CDH4: variants seen among roughly 807,000 people sequenced by gnomAD.
CDH4 encodes cadherin 4, also known as cadherin-4.
In CDH4, 33 loss-of-function variants were observed where a neutral mutation model predicts 86.0. The observed-to-expected ratio is 0.38, with a 90% CI of 0.29 to 0.51. CDH4 has a LOEUF of 0.51. CDH4 is among the 20% of genes least tolerant of loss of function. The probability of loss-of-function intolerance (pLI) is 0.86; values close to 1 mark genes in which losing one functional copy is unlikely to be tolerated. For missense variants in CDH4, 1,114 were observed against 1,307.4 expected, an observed-to-expected ratio of 0.85 and a Z score of 2.28; for synonymous variants, 555 against 549.4, an observed-to-expected ratio of 1.01 and a Z score of -0.14.
At chr20:61,838,666 G>A (rs371100887) in intron 4 of CDH4, among the ~76,000 whole-genome samples, 5 of 152,038 alleles carry the variant, frequency 3.3e-5, no homozygotes, top group Admixed American at 6.6e-5. Flanking sequence ...AATTAGCTGG[G>A]TGTGGTGGGG....
rs1210679081 is a variant in CDH4 at position 61,516,212 on chromosome 20, G to T, written c.170-227351G>T. On this transcript the variant is annotated intron_variant, in intron 2 of 15. Coordinates refer to ENST00000614565, the MANE Select transcript of CDH4 (RefSeq NM_001794.5). This position sits in a 1 kb window ranked among gnomAD's most constrained non-coding sequence, Gnocchi z 4.0. The stretch of plus-strand genomic sequence containing the variant: ...TCTCTTACCCTAGAAGCTGCGGCAG[G>T]TGTCCGCCCTGGGGACTAAGCAAAA... Among the ~76,000 whole-genome samples the T allele has an allele frequency of 1.3e-5, 2 of 152,182 alleles. No homozygotes were observed. The highest frequency in any genetic ancestry group is 1.3e-4 in the Admixed American group (2 of 15,284).
At chr20:61,274,777 TG>T (rs1428709983) in intron 2 of CDH4, among the ~76,000 whole-genome samples, 4 of 124,086 alleles carry the variant, frequency 3.2e-5, no homozygotes, top group Non-Finnish European at 6.6e-5. Flanking sequence ...GTGTGCAGTT[TG>T]GGGGAGTACT....
chr20:61,775,526 G>C (rs2088829522), intron 4 of CDH4, among the ~76,000 whole-genome samples: 1 of 152,214 alleles, frequency 6.6e-6, no homozygotes, highest in African/African-American at 2.4e-5. Flanking sequence ...CTCAGGCAAT[G>C]TGTCAACTAA....
Position 61,492,001 on chromosome 20 carries a change from ATGT to A in CDH4, c.169+237067_169+237069del, listed in dbSNP as rs371430282. 4.9e-4 allele frequency among the ~76,000 whole-genome samples: 73 copies of A among 149,798 alleles called. No individual in the cohort carries two copies. The East Asian group carries it at 4.9e-3, about 10-fold the overall frequency. Reference sequence around the variant, plus strand: ...AGTATTGTTGATGTTGGTGGTGTTGATGTTGGTGGTGTCAATATTGTCGATGGT... The same window carrying A: ...AGTATTGTTGATGTTGGTGGTGTTGATGGTGGTGTCAATATTGTCGATGGT... On this transcript the variant is annotated intron_variant, in intron 2 of 15. Coordinates refer to ENST00000614565, the MANE Select transcript of CDH4 (RefSeq NM_001794.5).
At position 61,852,846 on chromosome 20, in the gene CDH4, T is replaced by C. The variant is rs1401278786; in HGVS notation, c.825T>C (p.Pro275=). The C allele has an allele frequency of 6.2e-7, 1 of 1,614,076 alleles. No individual in the cohort carries two copies. The highest frequency in any genetic ancestry group is 2.2e-5 in the East Asian group (1 of 44,884). ...TCATCGACATGAATGACAACCGCCC[T>C]GAGTTCATCAACCAGGTCTACAACG... is the stretch of plus-strand genomic sequence containing the variant. ...IYVIDMNDNR[P]EFINQVYNGS... Residue 275 remains proline, a synonymous_variant, in exon 6 of 16, where the codon CCT becomes CCC. Coordinates refer to ENST00000614565, the MANE Select transcript of CDH4 (RefSeq NM_001794.5).
At chr20:61,866,237 G>A (rs1419325435) in intron 6 of CDH4, among the ~76,000 whole-genome samples, 1 of 152,120 alleles carries the variant, frequency 6.6e-6, no homozygotes, top group African/African-American at 2.4e-5. Flanking sequence ...TGGCACAGAG[G>A]GATGTTCAGT....
chr20:61,486,333 G>C (rs1195514203), intron 2 of CDH4, among the ~76,000 whole-genome samples: 1 of 152,210 alleles, frequency 6.6e-6, no homozygotes, highest in Non-Finnish European at 1.5e-5. Flanking sequence ...GTGGGTGGGG[G>C]CTGTGCATGA....
chr20:61,727,561 C>T (rs1322402473), intron 2 of CDH4, among the ~76,000 whole-genome samples: 5 of 152,188 alleles, frequency 3.3e-5, no homozygotes, highest in Admixed American at 2.0e-4. Flanking sequence ...GAGGTTTAAT[C>T]GGCTCACGGT....
At chr20:61,365,331 C>T (rs987339509) in intron 2 of CDH4, among the ~76,000 whole-genome samples, 1 of 152,144 alleles carries the variant, frequency 6.6e-6, no homozygotes, top group African/African-American at 2.4e-5. Flanking sequence ...CTTGGCTTCT[C>T]TTTGTGTTTG....
intron 2 of CDH4, among the ~76,000 whole-genome samples, chr20:61,675,257 G>T (rs1449410901): frequency 6.6e-6 from 1 of 151,364 alleles, no homozygotes; most frequent in Non-Finnish European, 1.5e-5. Context: ...CCATCGTAGG[G>T]GCTGAGGCTT....
intron 4 of CDH4, among the ~76,000 whole-genome samples, chr20:61,778,300 AGCT>A (rs1978356385): frequency 6.6e-6 from 1 of 152,242 alleles, no homozygotes; most frequent in African/African-American, 2.4e-5. Flanking sequence ...TTTGAGGTTC[AGCT>A]GGGATCAGCT....
intron 2 of CDH4, among the ~76,000 whole-genome samples, chr20:61,421,784 G>A (rs563503798): frequency 1.3e-5 from 2 of 152,212 alleles, no homozygotes; most frequent in African/African-American, 4.8e-5. Flanking sequence ...CCCATCATTT[G>A]TCCAGCGCTG....
At chr20:61,895,480 T>C (rs1985062161) in intron 8 of CDH4, among the ~76,000 whole-genome samples, 1 of 152,186 alleles carries the variant, frequency 6.6e-6, no homozygotes, top group African/African-American at 2.4e-5. Context: ...AAGGGGGTTG[T>C]GACTGGGCCC....
chr20:61,537,542 TAAAAA>T (rs1279790631), intron 2 of CDH4, among the ~76,000 whole-genome samples: 1 of 152,024 alleles, frequency 6.6e-6, no homozygotes, highest in Non-Finnish European at 1.5e-5. Flanking sequence ...ACGGTAAACA[TAAAAA>T]GAAGACACAA....
At chr20:61,701,004 T>C (rs1256663880) in intron 2 of CDH4, among the ~76,000 whole-genome samples, 1 of 152,196 alleles carries the variant, frequency 6.6e-6, no homozygotes, top group East Asian at 1.9e-4. Context: ...AGGTGTATGC[T>C]CTCGCTGCTC....
intron 2 of CDH4, among the ~76,000 whole-genome samples, chr20:61,626,132 C>T (rs1297697200): frequency 2.6e-5 from 4 of 152,180 alleles, no homozygotes; most frequent in Non-Finnish European, 4.4e-5. Context: ...CAGAAGAGAC[C>T]GAGACCCTGC....
chr20:61,513,541 G>A (rs2085796003), intron 2 of CDH4, among the ~76,000 whole-genome samples: 1 of 152,244 alleles, frequency 6.6e-6, no homozygotes, highest in Non-Finnish European at 1.5e-5. Flanking sequence ...CGGCTGTGAA[G>A]GAGGAAGCCG....
intron 2 of CDH4, among the ~76,000 whole-genome samples, chr20:61,671,173 T>C (rs961670760): frequency 5.9e-5 from 9 of 151,402 alleles, no homozygotes; most frequent in South Asian, 2.1e-4. Context: ...CGTGGATGAA[T>C]GGATGGATCA....
At chr20:61,860,962 C>G (rs1197696753) in intron 6 of CDH4, among the ~76,000 whole-genome samples, 1 of 152,176 alleles carries the variant, frequency 6.6e-6, no homozygotes, top group Non-Finnish European at 1.5e-5. Flanking sequence ...CAGCATGCAG[C>G]CCCCCAGGGT....
Sources: gnomAD v4.1 joint callset for allele counts (sites outside exome capture counted in the v4.1 genomes callset) on GRCh38, gnomAD v4.1.1 for gene constraint, Gnocchi (gnomAD v3.1) non-coding constraint, MANE v1.5 for transcripts, NCBI Gene and HGNC (gene_info 2026-07-23, HGNC 2026-07-21) for gene names.